Variants in VPS50 observed in about 807,000 individuals in gnomAD.
VPS50 encodes the protein syndetin.
VPS50 carries 70 observed loss-of-function variants against 139.7 expected under a neutral mutation model. The observed-to-expected ratio is 0.50, with a 90% confidence interval of 0.41 to 0.61. The LOEUF is 0.61. VPS50 is among the 20% of genes least tolerant of loss of function. The probability of loss-of-function intolerance (pLI) is 0.00; values close to 1 mark genes in which losing one functional copy is unlikely to be tolerated. For missense variants in VPS50, 921 were observed against 1,133.7 expected, an observed-to-expected ratio of 0.81 and a Z score of 2.69; for synonymous variants, 365 against 376.7, an observed-to-expected ratio of 0.97 and a Z score of 0.36.
chr7:93,313,165 C>G (rs1797321614), intron 20 of VPS50, among the ~76,000 whole-genome samples: 1 of 152,174 alleles, frequency 6.6e-6, no homozygotes. Flanking sequence ...GAAGCTTCTG[C>G]TTCCATGTGT....
At chr7:93,255,968 A>G (rs1488323752) in intron 4 of VPS50, among the ~76,000 whole-genome samples, 2 of 152,224 alleles carry the variant, frequency 1.3e-5, no homozygotes, top group Admixed American at 6.5e-5. Context: ...GCATACGTTA[A>G]TATTATTCAT....
chr7:93,263,669 G>A (rs1795754286), intron 9 of VPS50, among the ~76,000 whole-genome samples: 1 of 152,116 alleles, frequency 6.6e-6, no homozygotes, highest in Non-Finnish European at 1.5e-5. Context: ...CTGAAAATAG[G>A]AAAAACAATT....
chr7:93,321,640 G>T (rs1797616374), intron 20 of VPS50, among the ~76,000 whole-genome samples: 1 of 152,122 alleles, frequency 6.6e-6, no homozygotes, highest in Non-Finnish European at 1.5e-5. Flanking sequence ...TTTTCAAGGT[G>T]GTGAGGAACA....
At chr7:93,315,115 T>C (rs879085788) in intron 20 of VPS50, among the ~76,000 whole-genome samples, 1 of 152,106 alleles carries the variant, frequency 6.6e-6, no homozygotes, top group African/African-American at 2.4e-5. Context: ...TTTTTTTTTG[T>C]TGTTGTTTTG....
intron 4 of VPS50, among the ~76,000 whole-genome samples, chr7:93,254,201 G>C (rs145682596): frequency 4.2e-4 from 64 of 152,290 alleles, no homozygotes; most frequent in African/African-American, 1.4e-3. Context: ...CTTTGTTTTA[G>C]ATTAGTAAGT....
intron 11 of VPS50, 65 bp from the exon 12 acceptor site, chr7:93,276,100 A>T: frequency 7.1e-7 from 1 of 1,415,836 alleles, no homozygotes; most frequent in Non-Finnish European, 9.5e-7. Flanking sequence ...GGGTTTTTTC[A>T]ATTTGTTGAA....
intron 2 of VPS50, among the ~76,000 whole-genome samples, chr7:93,245,824 T>A (rs1795134673): frequency 6.6e-6 from 1 of 151,870 alleles, no homozygotes; most frequent in Non-Finnish European, 1.5e-5. Context: ...TTATTATTGT[T>A]GTTCTAGTGG....
At chr7:93,352,590 T>C (rs1366381606) in intron 25 of VPS50, among the ~76,000 whole-genome samples, 1 of 152,148 alleles carries the variant, frequency 6.6e-6, no homozygotes, top group African/African-American at 2.4e-5. Context: ...AAAAATGTCA[T>C]TTTAAGTCTT....
intron 16 of VPS50, among the ~76,000 whole-genome samples, chr7:93,301,965 G>A (rs1018781413): frequency 6.6e-6 from 1 of 152,172 alleles, no homozygotes; most frequent in Non-Finnish European, 1.5e-5. Context: ...TAGTAGGCAT[G>A]AAGTGGTATC....
intron 2 of VPS50, 111 bp downstream of exon 2, chr7:93,240,045 T>G: frequency 1.4e-6 from 1 of 693,694 alleles, no homozygotes; most frequent in Non-Finnish European, 2.6e-6. Flanking sequence ...CAGATGGTTG[T>G]TAAGATAAGC....
In VPS50 at chr7:93,353,749, C is replaced by T. The variant is rs1170678730; in HGVS notation, c.2573C>T (p.Thr858Ile). 1.2e-6 allele frequency: 2 copies of T among 1,607,408 alleles called. No homozygotes were observed. The highest frequency in any genetic ancestry group is 2.7e-5 in the African/African-American group (2 of 74,670). Residue 858 changes from threonine to isoleucine, a missense_variant, in exon 26 of 28, where the codon ACT (threonine) becomes ATT (isoleucine). Thr to Ile is a moderately conservative substitution (Grantham distance 89, BLOSUM62 -1). Coordinates refer to ENST00000305866, the MANE Select transcript of VPS50 (RefSeq NM_017667.4). ...CATTGTATACGATTGGCTAATCGAA[C>T]TATTGTAGAAGGGTAAGTTTTTCAT... ...WEHCIRLANR[T>I]IVEGYANVKK... is the part of the protein sequence containing the mutation.
chr7:93,283,351 C>T (rs550601687), intron 12 of VPS50, among the ~76,000 whole-genome samples: 32 of 151,852 alleles, frequency 2.1e-4, no homozygotes, highest in Non-Finnish European at 4.1e-4. Context: ...ATCCTCCTGC[C>T]TCAGCTTCCC....
At chr7:93,326,112 C>A (rs1421322349) in intron 21 of VPS50, among the ~76,000 whole-genome samples, 1 of 151,766 alleles carries the variant, frequency 6.6e-6, no homozygotes, top group East Asian at 1.9e-4. Context: ...GAATACTATG[C>A]AGCCATAAAA....
At chr7:93,318,380 A>G (rs1360035116) in intron 20 of VPS50, among the ~76,000 whole-genome samples, 1 of 152,120 alleles carries the variant, frequency 6.6e-6, no homozygotes, top group African/African-American at 2.4e-5. Flanking sequence ...TCTTCACTTC[A>G]TTATTCAGTA....
At chr7:93,273,489 T>G (rs942130717) in intron 11 of VPS50, 10 of 152,052 alleles carry the variant, frequency 6.6e-5, no homozygotes, top group Non-Finnish European at 1.2e-4. Context: ...TTTTACTGTT[T>G]ATTGTAATTT....
intron 22 of VPS50, 149 bp from the exon 23 acceptor site, chr7:93,341,278 A>T (rs1255341552): frequency 1.8e-6 from 1 of 565,114 alleles, no homozygotes; most frequent in Non-Finnish European, 3.1e-6. Context: ...ATAGTTACAA[A>T]CATGAAAGCA....
chr7:93,264,358 T>C (rs916889329), intron 9 of VPS50, among the ~76,000 whole-genome samples: 3 of 152,240 alleles, frequency 2.0e-5, no homozygotes, highest in African/African-American at 7.2e-5. Flanking sequence ...GTGTTTATGC[T>C]AAAGTGCATC....
intron 20 of VPS50, among the ~76,000 whole-genome samples, chr7:93,313,412 G>T (rs977006311): frequency 3.3e-5 from 5 of 152,070 alleles, no homozygotes; most frequent in Non-Finnish European, 5.9e-5. Context: ...TGCTGTTTAC[G>T]CTGAAGGCAT....
At chr7:93,276,524 T>G in intron 12 of VPS50, 1 of 608,732 alleles carries the variant, frequency 1.6e-6, no homozygotes, top group Non-Finnish European at 2.5e-6. Context: ...CATGATTGCT[T>G]CTCAATCGAC....
Sources: gnomAD v4.1 joint callset for allele counts (sites outside exome capture counted in the v4.1 genomes callset) on GRCh38, gnomAD v4.1.1 for gene constraint, MANE v1.5 for transcripts, NCBI Gene and HGNC (gene_info 2026-07-23, HGNC 2026-07-21) for gene names.